The following SULF2 variants were observed in gnomAD, a reference collection of about 807,000 sequenced individuals.
The protein encoded by SULF2 is extracellular sulfatase Sulf-2.
In SULF2, 52 loss-of-function variants were observed where a neutral mutation model predicts 107.7. That is an observed-to-expected ratio of 0.48 (90% CI 0.39 to 0.61). The LOEUF (loss-of-function observed/expected upper bound fraction) is 0.61, where lower values mean the gene tolerates loss of function less well. SULF2 is among the 20% of genes least tolerant of loss of function. The probability of loss-of-function intolerance (pLI) is 0.00; values close to 1 mark genes in which losing one functional copy is unlikely to be tolerated. For synonymous variants in SULF2, 460 were observed against 464.3 expected, an observed-to-expected ratio of 0.99 and a Z score of 0.12; for missense variants, 993 against 1,177.3, an observed-to-expected ratio of 0.84 and a Z score of 2.29.
At chr20:47,782,087 C>A (rs933972716) in intron 1 of SULF2, among the ~76,000 whole-genome samples, 3 of 152,166 alleles carry the variant, frequency 2.0e-5, no homozygotes, top group African/African-American at 7.2e-5. Flanking sequence ...GAGAAAGGAA[C>A]CTGATTACTT....
At chr20:47,706,438 C>G (rs1417865817) in intron 3 of SULF2, 1 of 152,156 alleles carries the variant, frequency 6.6e-6, no homozygotes, top group African/African-American at 2.4e-5. Context: ...CAAAGGGTCT[C>G]TGTGACAACT....
At chr20:47,665,408 T>C (rs852254) in intron 13 of SULF2, 115 bp from the exon 14 acceptor site, 101,439 of 757,804 alleles carry the variant, frequency 0.13, 7,892 homozygotes, top group Middle Eastern at 0.17. Context: ...CAGCCTGCAC[T>C]CCCCGGGCCC....
intron 2 of SULF2, among the ~76,000 whole-genome samples, chr20:47,740,825 T>C (rs2089860511): frequency 6.6e-6 from 1 of 152,118 alleles, no homozygotes; most frequent in African/African-American, 2.4e-5. Flanking sequence ...CATCCATTGA[T>C]GTCATTCGGC....
At chr20:47,708,604 G>T (rs568906155) in intron 3 of SULF2, among the ~76,000 whole-genome samples, 8 of 152,206 alleles carry the variant, frequency 5.3e-5, no homozygotes, top group Non-Finnish European at 1.0e-4. Flanking sequence ...TTGCAGAAAA[G>T]TGAACTGAAA....
At chr20:47,693,758 G>A (rs35873170) in intron 4 of SULF2, among the ~76,000 whole-genome samples, 12,918 of 152,308 alleles carry the variant, frequency 0.085, 621 homozygotes, top group East Asian at 0.16. Context: ...ACCTCCAGGG[G>A]AGGGCTCAGG....
intron 18 of SULF2, 113 bp downstream of exon 18, chr20:47,661,660 A>C: frequency 8.5e-7 from 1 of 1,171,158 alleles, no homozygotes. Context: ...GAACTGTATC[A>C]CCTCCCAAAG....
At chr20:47,732,373 G>A (rs2089633680) in intron 3 of SULF2, among the ~76,000 whole-genome samples, 1 of 152,228 alleles carries the variant, frequency 6.6e-6, no homozygotes, top group Non-Finnish European at 1.5e-5. Context: ...AGCAGAGACT[G>A]GATTCAAACC....
At chr20:47,673,364 G>A (rs2087538524) in intron 10 of SULF2, among the ~76,000 whole-genome samples, 1 of 152,154 alleles carries the variant, frequency 6.6e-6, no homozygotes, top group African/African-American at 2.4e-5. Flanking sequence ...GCTACCCTAC[G>A]AGGCAGGTGC....
chr20:47,701,800 G>A (rs929580207), intron 4 of SULF2, among the ~76,000 whole-genome samples: 2 of 152,176 alleles, frequency 1.3e-5, no homozygotes, highest in African/African-American at 2.4e-5. Flanking sequence ...AATCTGTAAC[G>A]CTAAGAGTCT....
Position 47,713,761 on chromosome 20 carries a change from A to T in SULF2, c.416-11091T>A, listed in dbSNP as rs6018655. Among the ~76,000 whole-genome samples, 911 of 151,236 alleles carry T rather than the reference A, an allele frequency of 6.0e-3. 8 individuals carry two copies. Among genetic ancestry groups the T allele is most frequent in the African/African-American group, 0.014 (573 of 41,160 alleles). ...TGAGATTCTGTCTCTGAAAAAAAAA[A>T]AATAATAAAAAACAAAAAAACAGAA... is the stretch of plus-strand genomic sequence containing the variant. On this transcript the variant is annotated intron_variant, in intron 3 of 20. Transcript: ENST00000688720.
intron 11 of SULF2, among the ~76,000 whole-genome samples, chr20:47,668,145 TCTCCA>T (rs2087339482): frequency 6.6e-6 from 1 of 152,170 alleles, no homozygotes; most frequent in African/African-American, 2.4e-5. Context: ...CAGCGTGTCC[TCTCCA>T]CTCCTTTTGT....
chr20:47,736,656 G>A (rs764324376), intron 3 of SULF2, 47 bp downstream of exon 3: 14 of 1,609,724 alleles, frequency 8.7e-6, no homozygotes, highest in Admixed American at 1.7e-5. Context: ...AGGGACGCCC[G>A]CCCTGGCTGT....
At chr20:47,662,459 T>C (rs918521956) in intron 17 of SULF2, among the ~76,000 whole-genome samples, 1 of 152,238 alleles carries the variant, frequency 6.6e-6, no homozygotes, top group African/African-American at 2.4e-5. Context: ...ATTTAAATTA[T>C]TTCAGGCTTT....
At position 47,745,396 on chromosome 20, in the gene SULF2, AAAAAAAAAAAAAAAATATATATAT is replaced by A. The variant is rs1374463532; in HGVS notation, c.176-8478_176-8455del. ...GAGTTTTGAGGGAAAAAAAAAAAAA[AAAAAAAAAAAAAAAATATATATAT>A]ATATATATATATATATATATATATA... On this transcript the variant is annotated intron_variant, in intron 2 of 20. Transcript: ENST00000688720. Among the ~76,000 whole-genome samples the A allele has an allele frequency of 2.1e-3, 58 of 27,312 alleles. 1 individual carries two copies. Among genetic ancestry groups the A allele is most frequent in the African/African-American group, 5.2e-3 (22 of 4,256 alleles). The allele number at this position is 27,312 out of a possible 152,430, so 17.9% of individuals were successfully genotyped here. A position where few individuals can be genotyped will look rare whatever the true frequency, so the allele number is the denominator to read the frequency against.
chr20:47,675,494 A>G (rs2087611666), intron 10 of SULF2, among the ~76,000 whole-genome samples: 1 of 152,210 alleles, frequency 6.6e-6, no homozygotes, highest in South Asian at 2.1e-4. Flanking sequence ...TCAGGCCTGT[A>G]TGGGCCTGTA....
chr20:47,745,396 AAAAAAAAAAAAAAAATATATATATATAT>A (rs1451752080), intron 2 of SULF2, among the ~76,000 whole-genome samples: 299 of 27,308 alleles, frequency 0.011, 14 homozygotes, highest in Non-Finnish European at 0.015. Flanking sequence ...AAAAAAAAAA[AAAAAAAAAAAAAAAATATATATATATAT>A]ATATATATAT....
intron 4 of SULF2, among the ~76,000 whole-genome samples, chr20:47,697,586 A>G (rs1484304464): frequency 6.6e-6 from 1 of 152,062 alleles, no homozygotes; most frequent in Non-Finnish European, 1.5e-5. Flanking sequence ...TGAACCCTGG[A>G]CCTGAGCCAG....
At chr20:47,672,530 T>C in intron 10 of SULF2, 137 bp from the exon 11 acceptor site, 1 of 1,426,134 alleles carries the variant, frequency 7.0e-7, no homozygotes, top group Non-Finnish European at 9.2e-7. Context: ...ACCTCTGCTA[T>C]CTCCAATGCC....
At chr20:47,776,861 T>G (rs1401284633) in intron 1 of SULF2, among the ~76,000 whole-genome samples, 1 of 152,252 alleles carries the variant, frequency 6.6e-6, no homozygotes, top group East Asian at 1.9e-4. Flanking sequence ...CTTAGCTTTT[T>G]GCAAATGACT....
Sources: allele counts gnomAD v4.1 joint callset (sites outside exome capture counted in the v4.1 genomes callset), GRCh38; gene constraint gnomAD v4.1.1; transcripts MANE v1.5; gene names NCBI Gene and HGNC (gene_info 2026-07-23, HGNC 2026-07-21).